Variants in WASF2 observed in about 807,000 individuals in gnomAD.
WASF2 encodes the protein WASP family member 2.
Under a neutral mutation model 45.0 loss-of-function variants are expected in WASF2, and 14 were observed. The observed-to-expected ratio is 0.31, with a 90% CI of 0.21 to 0.49. The LOEUF (loss-of-function observed/expected upper bound fraction) is 0.49. WASF2 is among the 20% of genes least tolerant of loss of function. The pLI is 0.99. For synonymous variants in WASF2, 200 were observed against 236.3 expected (o/e 0.85, Z 1.41); for missense variants, 439 against 636.1 (o/e 0.69, Z 3.33).
intron 2 of WASF2, among the ~76,000 whole-genome samples, chr1:27,424,438 G>A (rs56290593): frequency 8.5e-5 from 13 of 152,134 alleles, no homozygotes; most frequent in Non-Finnish European, 1.5e-4. Flanking sequence ...TGAATTATTC[G>A]ACATTTACTG....
intron 1 of WASF2, among the ~76,000 whole-genome samples, chr1:27,445,974 G>GT (rs2148122186): frequency 6.6e-6 from 1 of 151,158 alleles, no homozygotes; most frequent in Non-Finnish European, 1.5e-5. Flanking sequence ...AAGCACAGTT[G>GT]TTTTTCCTAT....
chr1:27,467,635 G>A (rs190810999), intron 1 of WASF2, among the ~76,000 whole-genome samples: 21 of 151,526 alleles, frequency 1.4e-4, no homozygotes, highest in Non-Finnish European at 5.9e-5. Context: ...AATTTCCGGG[G>A]GGCGCAGTGG....
intron 1 of WASF2, among the ~76,000 whole-genome samples, chr1:27,432,315 T>C (rs1267304171): frequency 6.6e-6 from 1 of 151,892 alleles, no homozygotes; most frequent in Non-Finnish European, 1.5e-5. Flanking sequence ...CATTAAATAA[T>C]ATATATAAAA....
chr1:27,447,596 G>A (rs975326701), intron 1 of WASF2, among the ~76,000 whole-genome samples: 11 of 152,174 alleles, frequency 7.2e-5, no homozygotes, highest in African/African-American at 2.2e-4. Flanking sequence ...TTTGTGGTCC[G>A]AAAAGACAGT....
At chr1:27,485,799 C>T (rs1270042254) in intron 1 of WASF2, among the ~76,000 whole-genome samples, 1 of 152,212 alleles carries the variant, frequency 6.6e-6, no homozygotes, top group Non-Finnish European at 1.5e-5. Flanking sequence ...GCAACCTCCG[C>T]CTCCCGGATT....
intron 4 of WASF2, among the ~76,000 whole-genome samples, chr1:27,416,486 T>C (rs2016827628): frequency 6.6e-6 from 1 of 152,176 alleles, no homozygotes; most frequent in African/African-American, 2.4e-5. Context: ...TTCCCACCAG[T>C]TCCCCAAGGA....
In WASF2 at chr1:27,431,773, T is replaced by C. The variant is rs901058758; in HGVS notation, c.-43-2840A>G. ...TAGCACTTATGGTTTTCTAAGTGCC[T>C]TGGATAAGCAGAACAAACAACTAAC... On this transcript the variant is annotated intron_variant, in intron 1 of 8. Coordinates refer to ENST00000618852, the MANE Select transcript of WASF2 (RefSeq NM_006990.5). 3.3e-5 allele frequency among the ~76,000 whole-genome samples: 5 copies of C among 152,340 alleles called. No individual in the cohort carries two copies. In the South Asian group the frequency reaches 6.2e-4, roughly 19 times the overall value.
intron 1 of WASF2, among the ~76,000 whole-genome samples, chr1:27,474,621 T>C (rs896199406): frequency 2.0e-5 from 3 of 151,424 alleles, no homozygotes; most frequent in Admixed American, 2.0e-4. Context: ...AATACAAAAA[T>C]TAGCTGCGCA....
At chr1:27,461,967 C>T (rs573008902) in intron 1 of WASF2, among the ~76,000 whole-genome samples, 3 of 148,222 alleles carry the variant, frequency 2.0e-5, no homozygotes, top group Non-Finnish European at 4.5e-5. Flanking sequence ...CGGCCACTCA[C>T]TATTTTATTA....
At position 27,414,703 on chromosome 1, in the gene WASF2, T is replaced by A; in HGVS notation, c.668+130A>T. 1 of 1,230,286 alleles carries A rather than the reference T, an allele frequency of 8.1e-7. No individual in the cohort carries two copies. The highest frequency in any genetic ancestry group is 1.1e-6 in the Non-Finnish European group (1 of 888,724). 76.2% of individuals were successfully genotyped at this position (1,230,286 alleles called of 1,614,324 possible). ...ATGGATGCACTTTAAAGTAGCTGAT[T>A]AACAGTGGTATTGATCTAAGCCACA... On this transcript the variant is annotated intron_variant, in intron 6 of 8. Coordinates refer to ENST00000618852, the MANE Select transcript of WASF2 (RefSeq NM_006990.5). This position sits in a 1 kb window ranked among gnomAD's most constrained non-coding sequence, Gnocchi z 4.1.
In WASF2 at chr1:27,414,419, C is replaced by G. The variant is rs568010540; in HGVS notation, c.668+414G>C. ...TGAAAAGTTGCTTTGGTGATGTGAACAGCTTTCTTGCCTAGCCCTCCCCAG... is the reference window on the plus strand; with the variant it reads ...TGAAAAGTTGCTTTGGTGATGTGAAGAGCTTTCTTGCCTAGCCCTCCCCAG... On this transcript the variant is annotated intron_variant, in intron 6 of 8. Transcript: ENST00000618852. The surrounding 1 kb of genome is among the most constrained non-coding windows in gnomAD (Gnocchi z 4.1). Among the ~76,000 whole-genome samples the G allele has an allele frequency of 2.2e-4, 34 of 152,316 alleles. No homozygotes were observed. The highest frequency in any genetic ancestry group is 7.9e-4 in the African/African-American group (33 of 41,570).
chr1:27,441,763 A>AG, intron 1 of WASF2, among the ~76,000 whole-genome samples: 1 of 147,300 alleles, frequency 6.8e-6, no homozygotes, highest in African/African-American at 2.6e-5. Flanking sequence ...CAAAAAAAAA[A>AG]AAAAAAAAAA....
At chr1:27,425,379 T>G (rs1004175769) in intron 2 of WASF2, among the ~76,000 whole-genome samples, 3 of 151,968 alleles carry the variant, frequency 2.0e-5, no homozygotes, top group Non-Finnish European at 2.9e-5. Flanking sequence ...TGAGCCACTA[T>G]GCCAAGCCCC....
At chr1:27,462,226 T>C (rs2017555739) in intron 1 of WASF2, among the ~76,000 whole-genome samples, 1 of 151,978 alleles carries the variant, frequency 6.6e-6, no homozygotes, top group Non-Finnish European at 1.5e-5. Context: ...TCTGCCCACC[T>C]TGGCCTCCCA....
intron 1 of WASF2, among the ~76,000 whole-genome samples, chr1:27,478,002 A>C (rs1476076566): frequency 6.6e-6 from 1 of 151,884 alleles, no homozygotes; most frequent in African/African-American, 2.4e-5. Context: ...CTGTAATCCT[A>C]GCACTTTGGG....
chr1:27,429,936 C>A lies in WASF2; in HGVS notation c.-43-1003G>T, dbSNP rs546089745. 3.9e-5 allele frequency among the ~76,000 whole-genome samples: 6 copies of A among 152,256 alleles called. No homozygotes were observed. The East Asian group carries it at 9.6e-4, about 24-fold the overall frequency. On this transcript the variant is annotated intron_variant, in intron 1 of 8. Transcript: ENST00000618852. The stretch of plus-strand genomic sequence containing the variant: ...GTGCTGTAAGATTCCCTGGTGCTTT[C>A]TCTTCTACCCAACAGCTCCCTTTCT...
intron 2 of WASF2, among the ~76,000 whole-genome samples, chr1:27,424,933 C>T (rs2016957390): frequency 6.6e-6 from 1 of 152,126 alleles, no homozygotes; most frequent in African/African-American, 2.4e-5. Context: ...CTGAGCTGGG[C>T]CTTGAAGGAT....
intron 7 of WASF2, among the ~76,000 whole-genome samples, chr1:27,411,712 A>T (rs2016762349): frequency 6.6e-6 from 1 of 152,046 alleles, no homozygotes; most frequent in Admixed American, 6.6e-5. Flanking sequence ...AAATACAAAA[A>T]ATTAGCTGGG....
intron 1 of WASF2, among the ~76,000 whole-genome samples, chr1:27,487,029 A>T (rs9438578): frequency 0.15 from 21,902 of 147,284 alleles, 2,112 homozygotes; most frequent in East Asian, 0.37. Context: ...TATAAATTTT[A>T]TATATAATCT....
Sources: allele counts gnomAD v4.1 joint callset (sites outside exome capture counted in the v4.1 genomes callset), GRCh38; gene constraint gnomAD v4.1.1; non-coding constraint Gnocchi (gnomAD v3.1); transcripts MANE v1.5; gene names NCBI Gene and HGNC (gene_info 2026-07-23, HGNC 2026-07-21).